The following NUBP1 variants were observed in gnomAD, a reference collection of about 807,000 sequenced individuals.
The protein encoded by NUBP1 is cytosolic Fe-S cluster assembly factor NUBP1.
A neutral mutation model predicts 41.8 loss-of-function variants in NUBP1; 46 were observed. The observed-to-expected ratio is 1.10, with a 90% CI of 0.87 to 1.41. NUBP1 has a LOEUF of 1.41. Ranked by LOEUF, NUBP1 falls within the 40% of genes most tolerant of loss-of-function variation. The pLI is 0.00. For synonymous variants in NUBP1, 189 were observed against 154.6 expected, an observed-to-expected ratio of 1.22 and a Z score of -1.65; for missense variants, 494 against 414.0, an observed-to-expected ratio of 1.19 and a Z score of -1.68.
Position 10,766,828 on chromosome 16 carries a change from G to A in NUBP1, c.821-1121G>A. ...AGGTACGCCCTATATAAACGAAAAG[G>A]ATGAAGTAAAGTTACAAAGTCATTT... is the stretch of plus-strand genomic sequence containing the variant. On this transcript the variant is annotated intron_variant, in intron 9 of 10. Coordinates refer to ENST00000283027, the MANE Select transcript of NUBP1 (RefSeq NM_002484.4). This position sits in a 1 kb window ranked among gnomAD's most constrained non-coding sequence, Gnocchi z 4.8. 1 of 397,820 alleles carries A rather than the reference G, an allele frequency of 2.5e-6. No individual in the cohort carries two copies. The highest frequency in any genetic ancestry group is 4.4e-5 in the Admixed American group (1 of 22,736). The allele number at this position is 397,820 out of a possible 1,614,324, so 24.6% of individuals were successfully genotyped here. A position where few individuals can be genotyped will look rare whatever the true frequency, so the allele number is the denominator to read the frequency against.
rs763900695 is a variant in NUBP1, at chr16:10,752,585, C to T, written c.259-25C>T. 1.7e-5 allele frequency: 28 copies of T among 1,602,386 alleles called. No homozygotes were observed. The Admixed American group carries it at 2.0e-4, about 11-fold the overall frequency. On this transcript the variant is annotated intron_variant, in intron 3 of 10. Transcript: ENST00000283027. ...GAGTGTGTGCATTCAGTTATATAAC[C>T]GCTTTGGTCTCTTCTTGTCCCCAGA...
rs773022960 is a variant in NUBP1 at position 10,747,225 on chromosome 16, C to T, written c.207C>T (p.Ser69=). 11 of 1,614,224 alleles carry T rather than the reference C, an allele frequency of 6.8e-6. No individual in the cohort carries two copies. The South Asian group carries it at 1.2e-4, about 18-fold the overall frequency. ...CTGGGAAAGGCGGTGTTGGGAAAAG[C>T]ACATTCAGCGCCCACCTTGCCCATG... ...VLSGKGGVGK[S]TFSAHLAHGL... The change falls in exon 3 of 11, where the codon AGC becomes AGT. Residue 69 remains serine, a synonymous_variant. Coordinates refer to ENST00000283027, the MANE Select transcript of NUBP1 (RefSeq NM_002484.4).
intron 3 of NUBP1, 22 bp downstream of exon 3, chr16:10,747,298 G>T (rs772135093): frequency 6.2e-7 from 1 of 1,610,040 alleles, no homozygotes; most frequent in Non-Finnish European, 8.5e-7. Flanking sequence ...GGAACCACTG[G>T]GAGATGCTCA....
At chr16:10,744,967 AG>A (rs370073926) in intron 2 of NUBP1, among the ~76,000 whole-genome samples, 1 of 151,770 alleles carries the variant, frequency 6.6e-6, no homozygotes, top group African/African-American at 2.4e-5. Context: ...CATGTTGACC[AG>A]GTTGGTCTCG....
rs1367835881 is a variant in NUBP1 at position 10,769,182 on chromosome 16, G to C, written c.*77G>C. The C allele has an allele frequency of 2.0e-5, 27 of 1,358,458 alleles. No homozygotes were observed. The highest frequency in any genetic ancestry group is 5.2e-5 in the Admixed American group (3 of 58,214). 84.2% of individuals were successfully genotyped at this position (1,358,458 alleles called of 1,614,324 possible). The stretch of plus-strand genomic sequence containing the variant: ...CAGCACATCCAGCCAGACCCGACCA[G>C]CTCCGGGATGGGGTGGGTCACAGCA... On this transcript the variant is annotated 3_prime_UTR_variant, in exon 11 of 11. Transcript: ENST00000283027.
rs1391852957 is a variant in NUBP1, at chr16:10,749,148, C to CA, written c.258+1873dup. 6.7e-6 allele frequency among the ~76,000 whole-genome samples: 1 copy of CA among 148,972 alleles called. No homozygotes were observed. The highest frequency in any genetic ancestry group is 1.5e-5 in the Non-Finnish European group (1 of 66,266). On this transcript the variant is annotated intron_variant, in intron 3 of 10. Transcript: ENST00000283027. This position sits in a 1 kb window ranked among gnomAD's most constrained non-coding sequence, Gnocchi z 4.1. ...ACATACACACACACACACACACACACACACACACACACACACACACACGTT... is the reference window on the plus strand; with the variant it reads ...ACATACACACACACACACACACACACAACACACACACACACACACACACGTT...
At chr16:10,748,338 GC>G (rs1378655637) in intron 3 of NUBP1, among the ~76,000 whole-genome samples, 1 of 152,076 alleles carries the variant, frequency 6.6e-6, no homozygotes, top group Non-Finnish European at 1.5e-5. Context: ...TTTGCTGTTG[GC>G]CCTTGTGGAA....
Position 10,761,878 on chromosome 16 carries a change from G to C in NUBP1, c.820+19G>C. 1 of 1,594,218 alleles carries C rather than the reference G, an allele frequency of 6.3e-7. No individual in the cohort carries two copies. The highest frequency in any genetic ancestry group is 8.6e-7 in the Non-Finnish European group (1 of 1,163,240). On this transcript the variant is annotated intron_variant, in intron 9 of 10. Transcript: ENST00000283027. ...CTCATAGGTGGGTGACCCCAGTGTG[G>C]GGCGGCACCTCACTCCTCGGTCAGC...
At chr16:10,752,016 C>T (rs1440084489) in intron 3 of NUBP1, among the ~76,000 whole-genome samples, 2 of 152,242 alleles carry the variant, frequency 1.3e-5, no homozygotes, top group African/African-American at 4.8e-5. Flanking sequence ...CACATGGCCG[C>T]CTCAGCCTCC....
rs372537575 is a variant in NUBP1, at chr16:10,744,031, G to A, written c.90G>A (p.Leu30=). 21 of 1,581,360 alleles carry A rather than the reference G, an allele frequency of 1.3e-5. No homozygotes were observed. The highest frequency in any genetic ancestry group is 1.6e-5 in the Non-Finnish European group (19 of 1,169,520). ...ASCQGCPNQR[L]CASGAGATPD... ...GTCAGGGATGCCCCAACCAGCGGCTGTGCGCTTCTGGAGCGGGGGCCACTC... is the reference window on the plus strand; with the variant it reads ...GTCAGGGATGCCCCAACCAGCGGCTATGCGCTTCTGGAGCGGGGGCCACTC... The change falls in exon 2 of 11, where the codon CTG becomes CTA. Residue 30 remains leucine, a synonymous_variant. Coordinates refer to ENST00000283027, the MANE Select transcript of NUBP1 (RefSeq NM_002484.4).
In NUBP1 at chr16:10,759,642, G is replaced by A. The variant is rs146883550; in HGVS notation, c.606+1615G>A. Among the ~76,000 whole-genome samples the A allele has an allele frequency of 0.015, 2,296 of 152,272 alleles. 78 individuals carry two copies. The highest frequency in any genetic ancestry group is 0.052 in the African/African-American group (2,149 of 41,536). On this transcript the variant is annotated intron_variant, in intron 7 of 10. Coordinates refer to ENST00000283027, the MANE Select transcript of NUBP1 (RefSeq NM_002484.4). This position sits in a 1 kb window ranked among gnomAD's most constrained non-coding sequence, Gnocchi z 4.7. ...AATACAAAAATTAGCCAGGCGTGGT[G>A]GTGGGCACCTGTAATCCCAGCTACT...
chr16:10,760,256 C>T (rs989310327), intron 7 of NUBP1, among the ~76,000 whole-genome samples: 3 of 152,230 alleles, frequency 2.0e-5, no homozygotes, highest in Non-Finnish European at 4.4e-5. Context: ...GCCCCTTAGC[C>T]GTGCCACTGT....
At chr16:10,761,301 T>G in intron 7 of NUBP1, 63 bp from the exon 8 acceptor site, 1 of 1,463,838 alleles carries the variant, frequency 6.8e-7, no homozygotes, top group Admixed American at 1.7e-5. Flanking sequence ...ATCCCCTCGG[T>G]TGCACAGACA....
rs557981184 is a variant in NUBP1 at position 10,745,384 on chromosome 16, G to A, written c.124+1319G>A. ...GTGGGAGGATCACTTGAACCCGGGA[G>A]GTGGAGGTTGCAGTGAGCTGAGATC... On this transcript the variant is annotated intron_variant, in intron 2 of 10. Coordinates refer to ENST00000283027, the MANE Select transcript of NUBP1 (RefSeq NM_002484.4). Among the ~76,000 whole-genome samples the A allele has an allele frequency of 1.8e-4, 27 of 152,240 alleles. No individual in the cohort carries two copies. The South Asian group carries it at 4.1e-3, about 23-fold the overall frequency.
intron 9 of NUBP1, among the ~76,000 whole-genome samples, chr16:10,764,434 G>A (rs1005484547): frequency 4.6e-5 from 7 of 151,444 alleles, no homozygotes; most frequent in African/African-American, 1.7e-4. Context: ...TCAGTCTGCT[G>A]GAGTATGCCA....
intron 7 of NUBP1, chr16:10,760,900 C>T (rs920235891): frequency 3.0e-5 from 5 of 167,876 alleles, no homozygotes; most frequent in Admixed American, 2.3e-4. Context: ...TAAAGAACTG[C>T]CTGAGACTGG....
rs1435956036 is a variant in NUBP1 at position 10,767,381 on chromosome 16, G to A, written c.821-568G>A. The A allele has an allele frequency of 1.5e-5, 6 of 400,834 alleles. No homozygotes were observed. Among genetic ancestry groups the A allele is most frequent in the Non-Finnish European group, 2.2e-5 (5 of 227,784 alleles). 24.8% of individuals were successfully genotyped at this position (400,834 alleles called of 1,614,324 possible). A position where few individuals can be genotyped will look rare whatever the true frequency, so the allele number is the denominator to read the frequency against. ...CAGACTGATAGACACCAGCACAGATGACCTGGAAGATAAAATTATACACAG... is the reference window on the plus strand; with the variant it reads ...CAGACTGATAGACACCAGCACAGATAACCTGGAAGATAAAATTATACACAG... On this transcript the variant is annotated intron_variant, in intron 9 of 10. Coordinates refer to ENST00000283027, the MANE Select transcript of NUBP1 (RefSeq NM_002484.4). This position sits in a 1 kb window ranked among gnomAD's most constrained non-coding sequence, Gnocchi z 4.6.
chr16:10,761,710 AT>A, intron 8 of NUBP1, 46 bp from the exon 9 acceptor site: 1 of 1,480,602 alleles, frequency 6.8e-7, no homozygotes, highest in Non-Finnish European at 9.4e-7. Context: ...CATCCTTGTG[AT>A]TCTGCAAAAA....
At chr16:10,752,490 T>G in intron 3 of NUBP1, 120 bp from the exon 4 acceptor site, 1 of 742,122 alleles carries the variant, frequency 1.3e-6, no homozygotes, top group South Asian at 1.6e-5. Context: ...GCTCCAAGTT[T>G]AACCCAGTTT....
Sources: allele counts gnomAD v4.1 joint callset (sites outside exome capture counted in the v4.1 genomes callset), GRCh38; gene constraint gnomAD v4.1.1; non-coding constraint Gnocchi (gnomAD v3.1); transcripts MANE v1.5; gene names NCBI Gene and HGNC (gene_info 2026-07-23, HGNC 2026-07-21).